ATP2A3: variants seen among roughly 807,000 people sequenced by gnomAD.
ATP2A3 encodes ATPase sarcoplasmic/endoplasmic reticulum Ca2+ transporting 3.
A neutral mutation model predicts 106.8 loss-of-function variants in ATP2A3; 61 were observed. The observed-to-expected ratio is 0.57, with a 90% confidence interval of 0.46 to 0.71. ATP2A3 has a LOEUF of 0.71. Among genes scored for constraint, ATP2A3 ranks in the 30% least tolerant of loss-of-function variants. The pLI, the probability that ATP2A3 is intolerant of heterozygous loss-of-function variation, is 0.00. For synonymous variants in ATP2A3, 611 were observed against 609.3 expected (o/e 1.00, Z -0.04); for missense variants, 1,201 against 1,423.5 (o/e 0.84, Z 2.52).
intron 3 of ATP2A3, among the ~76,000 whole-genome samples, chr17:3,952,811 C>T (rs1480776467): frequency 6.6e-6 from 1 of 152,164 alleles, no homozygotes; most frequent in African/African-American, 2.4e-5. Flanking sequence ...ATGCTGGTCT[C>T]AAACTCCTGG....
At position 3,939,786 on chromosome 17, in the gene ATP2A3, T is replaced by TTAAAAAAAAAAA. The variant is rs1555558101; in HGVS notation, c.2100+1184_2100+1185insTTTTTTTTTTTA. Among the ~76,000 whole-genome samples, 18 of 50,524 alleles carry TTAAAAAAAAAAA rather than the reference T, an allele frequency of 3.6e-4. 1 individual carries two copies. The highest frequency in any genetic ancestry group is 5.6e-4 in the Non-Finnish European group (14 of 24,824). 33.1% of individuals were successfully genotyped at this position (50,524 alleles called of 152,430 possible). A position where few individuals can be genotyped will look rare whatever the true frequency, so the allele number is the denominator to read the frequency against. ...CTGGGTGACAGAGCGAGACTCTGTCTAAAAAAAAAAAAAAAAAAAAAAAAA... is the reference window on the plus strand; with the variant it reads ...CTGGGTGACAGAGCGAGACTCTGTCTTAAAAAAAAAAAAAAAAAAAAAAAAAAAAAAAAAAAA... On this transcript the variant is annotated intron_variant, in intron 14 of 20. Transcript: ENST00000397041.
At chr17:3,945,351 C>T in intron 8 of ATP2A3, 1 of 512,658 alleles carries the variant, frequency 2.0e-6, no homozygotes, top group Non-Finnish European at 3.5e-6. Flanking sequence ...ATGTGTCCGG[C>T]TCCGGTTTGT....
At chr17:3,927,612 T>C (rs992491153) in intron 20 of ATP2A3, 387 of 985,282 alleles carry the variant, frequency 3.9e-4, no homozygotes, top group Non-Finnish European at 4.6e-4. Context: ...TCACAGAGCA[T>C]TGGCCAGAAA....
At chr17:3,931,009 G>A (rs2053047399) in intron 17 of ATP2A3, 1 of 212,508 alleles carries the variant, frequency 4.7e-6, no homozygotes, top group African/African-American at 2.3e-5. Flanking sequence ...GCGTGGTGGT[G>A]CGTGCCTGTA....
Position 3,929,201 on chromosome 17 carries a change from G to A in ATP2A3, c.2862+127C>T. 1.1e-6 allele frequency: 1 copy of A among 879,108 alleles called. No homozygotes were observed. The highest frequency in any genetic ancestry group is 1.7e-5 in the South Asian group (1 of 59,108). The allele number at this position is 879,108 out of a possible 1,614,324, so 54.5% of individuals were successfully genotyped here. The stretch of plus-strand genomic sequence containing the variant: ...GGGGCCACAGCTGGAGGTGGTGGCT[G>A]GCCAGACCTCTCACCTCCCTCTCCT... On this transcript the variant is annotated intron_variant, in intron 19 of 20. Transcript: ENST00000397041. This position sits in a 1 kb window ranked among gnomAD's most constrained non-coding sequence, Gnocchi z 4.3.
Position 3,949,217 on chromosome 17 carries a change from G to A in ATP2A3, c.630+1294C>T, listed in dbSNP as rs2054283854. Among the ~76,000 whole-genome samples the A allele has an allele frequency of 2.0e-5, 3 of 150,066 alleles. No individual in the cohort carries two copies. The South Asian group carries it at 6.4e-4, about 32-fold the overall frequency. ...CCTTCCAGGAAGTTTTCTATCCCCC[G>A]ATAACTTGGTGGCCTGGGCCATTGT... is the stretch of plus-strand genomic sequence containing the variant. On this transcript the variant is annotated intron_variant, in intron 7 of 20. Coordinates refer to ENST00000397041, the MANE Select transcript of ATP2A3 (RefSeq NM_005173.4).
intron 4 of ATP2A3, 41 bp from the exon 5 acceptor site, chr17:3,951,430 C>G: frequency 6.2e-7 from 1 of 1,612,836 alleles, no homozygotes; most frequent in Non-Finnish European, 8.5e-7. Context: ...TCCCTGCTGC[C>G]CCCCGCAGAC....
At position 3,964,345 on chromosome 17, in the gene ATP2A3, G is replaced by C. The variant is rs932675775; in HGVS notation, c.-54C>G. 25 of 1,030,854 alleles carry C rather than the reference G, an allele frequency of 2.4e-5. No individual in the cohort carries two copies. Among genetic ancestry groups the C allele is most frequent in the Non-Finnish European group, 2.2e-5 (18 of 836,156 alleles). The allele number at this position is 1,030,854 out of a possible 1,614,324, so 63.9% of individuals were successfully genotyped here. On this transcript the variant is annotated 5_prime_UTR_variant, in exon 1 of 21. Transcript: ENST00000397041. ...GCACCGTCGAGGCCGCCTCTCCGCC[G>C]GGGGGCTACAAAGCGGGGCGCGGGG...
In ATP2A3 at chr17:3,940,031, C is replaced by CTTTTTTTT. The variant is rs1174008086; in HGVS notation, c.2100+932_2100+939dup. Among the ~76,000 whole-genome samples the CTTTTTTTT allele has an allele frequency of 8.4e-3, 812 of 96,454 alleles. 136 individuals carry two copies. The highest frequency in any genetic ancestry group is 0.036 in the African/African-American group (758 of 21,080). The allele number at this position is 96,454 out of a possible 152,430, so 63.3% of individuals were successfully genotyped here. A position where few individuals can be genotyped will look rare whatever the true frequency, so the allele number is the denominator to read the frequency against. On this transcript the variant is annotated intron_variant, in intron 14 of 20. Coordinates refer to ENST00000397041, the MANE Select transcript of ATP2A3 (RefSeq NM_005173.4). ...ATGGGTTGATGGTAATGTGTCATAT[C>CTTTTTTTT]TTTTTTTTTTTGTTTTTTGTTTTTT...
At position 3,953,651 on chromosome 17, in the gene ATP2A3, T is replaced by A; in HGVS notation, c.136+42A>T. On this transcript the variant is annotated intron_variant, in intron 2 of 20. Coordinates refer to ENST00000397041, the MANE Select transcript of ATP2A3 (RefSeq NM_005173.4). This position sits in a 1 kb window ranked among gnomAD's most constrained non-coding sequence, Gnocchi z 5.1. ...GACCAGACAGAGAACGACCCAGGGA[T>A]GCTGCCCGCGGCCTAGAGGTCCATC... 2 of 1,557,888 alleles carry A rather than the reference T, an allele frequency of 1.3e-6. No homozygotes were observed. Among genetic ancestry groups the A allele is most frequent in the South Asian group, 2.4e-5 (2 of 84,624 alleles).
rs2053031831 is a variant in ATP2A3, at chr17:3,930,779, A to G, written c.2611-345T>C. On this transcript the variant is annotated intron_variant, in intron 17 of 20. Transcript: ENST00000397041. The surrounding 1 kb of genome is among the most constrained non-coding windows in gnomAD (Gnocchi z 5.4). ...AAATGCATGTGAAAATCAACCAACAAAACCATGCGGGAGTGGAATTCACCT... is the reference window on the plus strand; with the variant it reads ...AAATGCATGTGAAAATCAACCAACAGAACCATGCGGGAGTGGAATTCACCT... The G allele has an allele frequency of 1.5e-5, 6 of 407,636 alleles. No individual in the cohort carries two copies. The highest frequency in any genetic ancestry group is 1.3e-4 in the South Asian group (6 of 47,964). 25.3% of individuals were successfully genotyped at this position (407,636 alleles called of 1,614,324 possible). A position where few individuals can be genotyped will look rare whatever the true frequency, so the allele number is the denominator to read the frequency against.
intron 12 of ATP2A3, 149 bp from the exon 13 acceptor site, chr17:3,941,803 A>G (rs141183935): frequency 1.2e-6 from 1 of 834,624 alleles, no homozygotes. Context: ...CCATTCACTG[A>G]AAGTTCAGAA....
intron 17 of ATP2A3, among the ~76,000 whole-genome samples, chr17:3,933,708 C>G (rs1432709403): frequency 6.6e-6 from 1 of 151,126 alleles, no homozygotes; most frequent in Non-Finnish European, 1.5e-5. Flanking sequence ...TGCACTCCAG[C>G]CTGGGTGACA....
chr17:3,951,305 C>A lies in ATP2A3; in HGVS notation c.409G>T (p.Val137Leu), dbSNP rs776303824. 3 of 1,613,802 alleles carry A rather than the reference C, an allele frequency of 1.9e-6. No individual in the cohort carries two copies. The highest frequency in any genetic ancestry group is 2.2e-5 in the South Asian group (2 of 91,092). ...ATGTCCCGGGCACGGATCCTCTGCACGCCCTTGCGGTCCGAGCGGATCACC... is the reference window on the plus strand; with the variant it reads ...ATGTCCCGGGCACGGATCCTCTGCAAGCCCTTGCGGTCCGAGCGGATCACC... Reference protein sequence around the residue: ...GKVIRSDRKGVQRIRARDIVP... With the variant: ...GKVIRSDRKGLQRIRARDIVP... Residue 137 changes from valine to leucine, a missense_variant, in exon 5 of 21, where the codon GTG (valine) becomes TTG (leucine). This residue lies in a region of ATP2A3 where 266 missense variants were observed against 246.8 expected (regional missense o/e 1.08). Transcript: ENST00000397041.
In ATP2A3 at chr17:3,930,383, A is replaced by G. The variant is rs1488422946; in HGVS notation, c.2662T>C (p.Cys888Arg). 2 of 1,613,882 alleles carry G rather than the reference A, an allele frequency of 1.2e-6. No individual in the cohort carries two copies. Among genetic ancestry groups the G allele is most frequent in the Non-Finnish European group, 8.5e-7 (1 of 1,179,992 alleles). Residue 888 changes from cysteine to arginine, a missense_variant, in exon 18 of 21, where the codon TGT becomes CGT. By Grantham distance (180) the Cys-to-Arg change is radical. This residue lies in a region of ATP2A3 where 935 missense variants were observed against 1,176.7 expected (regional missense o/e 0.79). Coordinates refer to ENST00000397041, the MANE Select transcript of ATP2A3 (RefSeq NM_005173.4). The surrounding 1 kb of genome is among the most constrained non-coding windows in gnomAD (Gnocchi z 5.4). The part of the protein sequence containing the change: ...EDNPLFAGID[C>R]EVFESRFPTT... ...GGGAAGCGTGACTCGAACACCTCAC[A>G]GTCGATGCCGGCAAAGAGCGGGTTG...
Position 3,930,809 on chromosome 17 carries a change from G to A in ATP2A3, c.2611-375C>T, listed in dbSNP as rs1335399485. 7 of 368,530 alleles carry A rather than the reference G, an allele frequency of 1.9e-5. No individual in the cohort carries two copies. In the East Asian group the frequency reaches 3.4e-4, roughly 18 times the overall value. The allele number at this position is 368,530 out of a possible 1,614,324, so 22.8% of individuals were successfully genotyped here. A position where few individuals can be genotyped will look rare whatever the true frequency, so the allele number is the denominator to read the frequency against. On this transcript the variant is annotated intron_variant, in intron 17 of 20. Coordinates refer to ENST00000397041, the MANE Select transcript of ATP2A3 (RefSeq NM_005173.4). The surrounding 1 kb of genome is among the most constrained non-coding windows in gnomAD (Gnocchi z 5.4). Reference sequence around the variant, plus strand: ...ATGCGGGAGTGGAATTCACCTTTGCGGTATAGAAGATGAAGGCTACGCAGG... The same window carrying A: ...ATGCGGGAGTGGAATTCACCTTTGCAGTATAGAAGATGAAGGCTACGCAGG...
rs2054584621 is a variant in ATP2A3, at chr17:3,953,649, G to A, written c.136+44C>T. 6.4e-7 allele frequency: 1 copy of A among 1,557,374 alleles called. No individual in the cohort carries two copies. On this transcript the variant is annotated intron_variant, in intron 2 of 20. Transcript: ENST00000397041. This position sits in a 1 kb window ranked among gnomAD's most constrained non-coding sequence, Gnocchi z 5.1. ...ATGACCAGACAGAGAACGACCCAGG[G>A]ATGCTGCCCGCGGCCTAGAGGTCCA...
chr17:3,945,742 T>G (rs2054078044), intron 8 of ATP2A3, among the ~76,000 whole-genome samples: 1 of 152,206 alleles, frequency 6.6e-6, no homozygotes, highest in Non-Finnish European at 1.5e-5. Context: ...TCTTTGTCTG[T>G]TCAGCCAGCT....
In ATP2A3 at chr17:3,928,484, G is replaced by A. The variant is rs1181685564; in HGVS notation, c.2980+179C>T. ...GGTCCCCTGCAGTGCAAGACCCTGCGGACACCTTGGGACCCAGCCACCAGA... is the reference window on the plus strand; with the variant it reads ...GGTCCCCTGCAGTGCAAGACCCTGCAGACACCTTGGGACCCAGCCACCAGA... On this transcript the variant is annotated intron_variant, in intron 20 of 20. Coordinates refer to ENST00000397041, the MANE Select transcript of ATP2A3 (RefSeq NM_005173.4). This position sits in a 1 kb window ranked among gnomAD's most constrained non-coding sequence, Gnocchi z 6.1. 25 of 930,068 alleles carry A rather than the reference G, an allele frequency of 2.7e-5. No homozygotes were observed. Among genetic ancestry groups the A allele is most frequent in the East Asian group, 1.1e-4 (4 of 38,048 alleles). The allele number at this position is 930,068 out of a possible 1,614,324, so 57.6% of individuals were successfully genotyped here.
Sources: gnomAD v4.1 joint callset for allele counts (sites outside exome capture counted in the v4.1 genomes callset) on GRCh38, gnomAD v4.1.1 for gene constraint, gnomAD v4.1.1 regional missense constraint, Gnocchi (gnomAD v3.1) non-coding constraint, MANE v1.5 for transcripts, NCBI Gene and HGNC (gene_info 2026-07-23, HGNC 2026-07-21) for gene names.